KHDRBS3: variants seen among roughly 807,000 people sequenced by gnomAD.
The protein encoded by KHDRBS3 is KH RNA binding domain containing, signal transduction associated 3.
A neutral mutation model predicts 45.6 loss-of-function variants in KHDRBS3; 23 were observed. The observed-to-expected ratio is 0.50, with a 90% confidence interval of 0.36 to 0.72. The LOEUF is 0.72. KHDRBS3 is among the 30% of genes least tolerant of loss of function. KHDRBS3 has a pLI of 0.00. For synonymous variants in KHDRBS3, 162 were observed against 156.5 expected (o/e 1.04, Z -0.26); for missense variants, 352 against 424.8 (o/e 0.83, Z 1.51).
At chr8:135,598,147 A>C (rs1042942282) in intron 6 of KHDRBS3, among the ~76,000 whole-genome samples, 1 of 152,214 alleles carries the variant, frequency 6.6e-6, no homozygotes, top group Non-Finnish European at 1.5e-5. Flanking sequence ...AAATGTAGAC[A>C]TCACATTTTA....
At chr8:135,621,183 A>G (rs746729496) in intron 7 of KHDRBS3, among the ~76,000 whole-genome samples, 2 of 152,120 alleles carry the variant, frequency 1.3e-5, no homozygotes, top group Non-Finnish European at 2.9e-5. Context: ...TTATTTTTTA[A>G]TCTGAGTCTT....
chr8:135,596,963 C>G lies in KHDRBS3; in HGVS notation c.808-9992C>G, dbSNP rs572100985. 3.8e-4 allele frequency among the ~76,000 whole-genome samples: 58 copies of G among 152,300 alleles called. No individual in the cohort carries two copies. In the Middle Eastern group the frequency reaches 0.01, roughly 27 times the overall value. ...TCGTCCCTGCACCTCTCTCCCAGCTCACTTCACTTTTACTTCTTGTCTTAC... is the reference window on the plus strand; with the variant it reads ...TCGTCCCTGCACCTCTCTCCCAGCTGACTTCACTTTTACTTCTTGTCTTAC... On this transcript the variant is annotated intron_variant, in intron 6 of 8. Coordinates refer to ENST00000355849, the MANE Select transcript of KHDRBS3 (RefSeq NM_006558.3).
chr8:135,609,520 C>T lies in KHDRBS3; in HGVS notation c.890+2483C>T, dbSNP rs80068789. On this transcript the variant is annotated intron_variant, in intron 7 of 8. Transcript: ENST00000355849. Reference sequence around the variant, plus strand: ...ATGTTGCTCAGGCTGGTCTTGAACCCCTGGGCTCAAGCAGTGTGCCCACCT... The same window carrying T: ...ATGTTGCTCAGGCTGGTCTTGAACCTCTGGGCTCAAGCAGTGTGCCCACCT... Among the ~76,000 whole-genome samples the T allele has an allele frequency of 2.6e-5, 4 of 152,032 alleles. No individual in the cohort carries two copies. In the East Asian group the frequency reaches 7.7e-4, roughly 29 times the overall value.
intron 7 of KHDRBS3, among the ~76,000 whole-genome samples, chr8:135,643,721 C>A (rs1484177387): frequency 6.6e-6 from 1 of 152,250 alleles, no homozygotes; most frequent in Non-Finnish European, 1.5e-5. Context: ...GTTGTGACCA[C>A]AAGTCTGGCC....
chr8:135,474,803 G>A (rs1822188534), intron 1 of KHDRBS3, among the ~76,000 whole-genome samples: 1 of 152,206 alleles, frequency 6.6e-6, no homozygotes, highest in Non-Finnish European at 1.5e-5. Context: ...TACAAATTTG[G>A]TGGCTTTATG....
chr8:135,562,384 T>G (rs1013166153), intron 5 of KHDRBS3, among the ~76,000 whole-genome samples: 1 of 152,198 alleles, frequency 6.6e-6, no homozygotes, highest in African/African-American at 2.4e-5. Flanking sequence ...CAAGGAACAG[T>G]AGGCTGTATC....
In KHDRBS3 at chr8:135,524,278, A is replaced by G. The variant is rs75424889; in HGVS notation, c.207+2923A>G. On this transcript the variant is annotated intron_variant, in intron 2 of 8. Transcript: ENST00000355849. The stretch of plus-strand genomic sequence containing the variant: ...CTGCCTCCCAAAGTGCTGGGATTAC[A>G]GGCAGAAGCCACCACTCCCAGCCTG... Among the ~76,000 whole-genome samples, 407 of 152,346 alleles carry G rather than the reference A, an allele frequency of 2.7e-3. 2 individuals are homozygous for G. Among genetic ancestry groups the G allele is most frequent in the Middle Eastern group, 0.017 (5 of 294 alleles).
At chr8:135,513,008 C>G (rs145705708) in intron 1 of KHDRBS3, among the ~76,000 whole-genome samples, 3 of 151,680 alleles carry the variant, frequency 2.0e-5, no homozygotes, top group African/African-American at 7.3e-5. Flanking sequence ...GTCAGGAGAT[C>G]GAGACCACGG....
At chr8:135,463,223 G>GC (rs1345154894) in intron 1 of KHDRBS3, among the ~76,000 whole-genome samples, 7 of 152,112 alleles carry the variant, frequency 4.6e-5, no homozygotes, top group Non-Finnish European at 1.0e-4. Context: ...TGAGCACAGG[G>GC]CCCTTGGGAA....
intron 1 of KHDRBS3, among the ~76,000 whole-genome samples, chr8:135,475,585 C>G (rs1822242460): frequency 6.6e-6 from 1 of 152,008 alleles, no homozygotes; most frequent in African/African-American, 2.4e-5. Context: ...GTGTAAGGAG[C>G]ATAGGTATGG....
chr8:135,652,630 A>G (rs1452746261), intron 4 of KHDRBS3, among the ~76,000 whole-genome samples: 1 of 152,196 alleles, frequency 6.6e-6, no homozygotes, highest in Non-Finnish European at 1.5e-5. Flanking sequence ...ACTCTTACCC[A>G]GCTCTTGGTC....
intron 7 of KHDRBS3, among the ~76,000 whole-genome samples, chr8:135,639,320 A>G (rs1830959307): frequency 2.6e-5 from 4 of 152,222 alleles, no homozygotes; most frequent in Admixed American, 2.6e-4. Context: ...GCAAGATCCT[A>G]GAGTGTGACG....
At chr8:135,578,580 T>A (rs1237529661) in intron 5 of KHDRBS3, among the ~76,000 whole-genome samples, 1 of 152,234 alleles carries the variant, frequency 6.6e-6, no homozygotes, top group African/African-American at 2.4e-5. Flanking sequence ...TCCATTGATC[T>A]GTCTTTTCTT....
At chr8:135,513,089 A>C (rs1261829579) in intron 1 of KHDRBS3, among the ~76,000 whole-genome samples, 1 of 152,074 alleles carries the variant, frequency 6.6e-6, no homozygotes, top group Non-Finnish European at 1.5e-5. Context: ...AGTCCCAGCT[A>C]CTCAGGAGGC....
chr8:135,649,517 A>G (rs1406420006), downstream of KHDRBS3, among the ~76,000 whole-genome samples: 2 of 152,190 alleles, frequency 1.3e-5, no homozygotes, highest in Non-Finnish European at 2.9e-5. Context: ...AAATAATTAA[A>G]TTGCTTTTAG....
chr8:135,563,357 C>T (rs974518744), intron 5 of KHDRBS3, among the ~76,000 whole-genome samples: 1 of 152,198 alleles, frequency 6.6e-6, no homozygotes, highest in African/African-American at 2.4e-5. Flanking sequence ...AAGGCTTTGT[C>T]TCCAGGTGTC....
rs559160443 is a variant in KHDRBS3 at position 135,458,161 on chromosome 8, AAGG to A, written c.88+210_88+212del. 6.1e-5 allele frequency: 82 copies of A among 1,344,502 alleles called. No homozygotes were observed. In the East Asian group the frequency reaches 1.8e-3, roughly 29 times the overall value. 83.3% of individuals were successfully genotyped at this position (1,344,502 alleles called of 1,614,324 possible). ...CCTGATGTGAATTTTGGGGACTTGG[AAGG>A]AGAAGGCTGGGGCGCATGGGTGAGA... On this transcript the variant is annotated intron_variant, in intron 1 of 8. Coordinates refer to ENST00000355849, the MANE Select transcript of KHDRBS3 (RefSeq NM_006558.3).
At chr8:135,633,305 G>C (rs1830681180) in intron 7 of KHDRBS3, among the ~76,000 whole-genome samples, 2 of 152,206 alleles carry the variant, frequency 1.3e-5, no homozygotes, top group Admixed American at 1.3e-4. Context: ...GGTCTCACTA[G>C]AGCAGGAGCT....
chr8:135,501,867 C>T (rs1419403245), intron 1 of KHDRBS3, among the ~76,000 whole-genome samples: 4 of 152,096 alleles, frequency 2.6e-5, no homozygotes, highest in South Asian at 2.1e-4. Context: ...TTGCACTCTT[C>T]GGTCCTTGGC....
Sources: allele counts gnomAD v4.1 joint callset (sites outside exome capture counted in the v4.1 genomes callset), GRCh38; gene constraint gnomAD v4.1.1; transcripts MANE v1.5; gene names NCBI Gene and HGNC (gene_info 2026-07-23, HGNC 2026-07-21).